The following CSMD1 variants were observed in gnomAD, a reference collection of about 807,000 sequenced individuals.
The protein encoded by CSMD1 is CUB and sushi domain-containing protein 1.
In CSMD1, 213 loss-of-function variants were observed where a neutral mutation model predicts 417.5. That is an observed-to-expected ratio of 0.51 (90% confidence interval 0.46 to 0.57). CSMD1 has a LOEUF of 0.57. CSMD1 is among the 20% of genes least tolerant of loss of function. The pLI, the probability that CSMD1 is intolerant of heterozygous loss-of-function variation, is 0.00. For synonymous variants in CSMD1, 2,862 were observed against 1,736.8 expected (o/e 1.65, Z -16.11); for missense variants, 6,923 against 4,529.7 (o/e 1.53, Z -15.17).
chr8:4,208,664 A>G (rs1800121545), intron 3 of CSMD1, among the ~76,000 whole-genome samples: 1 of 152,228 alleles, frequency 6.6e-6, no homozygotes, highest in South Asian at 2.1e-4. Flanking sequence ...CATAAAACCA[A>G]TTATGCAAAA....
At chr8:3,895,164 T>C (rs1213843295) in intron 5 of CSMD1, among the ~76,000 whole-genome samples, 2 of 152,208 alleles carry the variant, frequency 1.3e-5, no homozygotes, top group Admixed American at 1.3e-4. Flanking sequence ...AAATCACTAA[T>C]TCAGAGACAC....
At chr8:3,772,449 A>ATATATACATATATT (rs1489408204) in intron 5 of CSMD1, among the ~76,000 whole-genome samples, 1 of 86,728 alleles carries the variant, frequency 1.2e-5, no homozygotes, top group African/African-American at 5.0e-5. Context: ...TTATATATAC[A>ATATATACATATATT]CATATATATA....
At position 4,988,132 on chromosome 8, in the gene CSMD1, T is replaced by C. The variant is rs1202322603; in HGVS notation, c.85+6200A>G. Among the ~76,000 whole-genome samples the C allele has an allele frequency of 2.0e-5, 3 of 152,354 alleles. No individual in the cohort carries two copies. The East Asian group carries it at 5.8e-4, about 29-fold the overall frequency. ...AAAACTGGGAAGAGACACCAACAATTTGACTCCTTCATGTTTATGTTCTTG... is the reference window on the plus strand; with the variant it reads ...AAAACTGGGAAGAGACACCAACAATCTGACTCCTTCATGTTTATGTTCTTG... On this transcript the variant is annotated intron_variant, in intron 1 of 69. Transcript: ENST00000635120.
intron 1 of CSMD1, among the ~76,000 whole-genome samples, chr8:4,652,091 A>T (rs947518622): frequency 3.9e-5 from 6 of 152,260 alleles, no homozygotes; most frequent in Admixed American, 6.5e-5. Context: ...CTTTAACACA[A>T]TTTTTTTCCA....
chr8:3,724,722 C>T (rs1033398008), intron 6 of CSMD1, among the ~76,000 whole-genome samples: 6 of 152,096 alleles, frequency 3.9e-5, no homozygotes, highest in Admixed American at 2.0e-4. Flanking sequence ...ATTTACACTG[C>T]CTTCTAAGTG....
intron 10 of CSMD1, among the ~76,000 whole-genome samples, chr8:3,544,902 T>C (rs1033781041): frequency 2.6e-5 from 4 of 152,366 alleles, no homozygotes; most frequent in Non-Finnish European, 2.9e-5. Flanking sequence ...TATGAATTAA[T>C]ACCAACTTAA....
At chr8:3,385,358 C>A (rs569706823) in intron 18 of CSMD1, among the ~76,000 whole-genome samples, 1 of 148,826 alleles carries the variant, frequency 6.7e-6, no homozygotes, top group Admixed American at 6.8e-5. Flanking sequence ...TGTGTTTTAC[C>A]CTACATGTTT....
intron 11 of CSMD1, among the ~76,000 whole-genome samples, chr8:3,481,112 G>GCA (rs1817719039): frequency 7.9e-6 from 1 of 127,360 alleles, no homozygotes; most frequent in African/African-American, 3.0e-5. Context: ...GCCCAGATTA[G>GCA]CCACTGCACT....
chr8:4,049,110 C>T (rs1469644030), intron 3 of CSMD1, among the ~76,000 whole-genome samples: 1 of 152,136 alleles, frequency 6.6e-6, no homozygotes, highest in Non-Finnish European at 1.5e-5. Flanking sequence ...GCTCTCTCCA[C>T]ATTCTTTTAT....
At chr8:4,272,564 T>G (rs1279190418) in intron 3 of CSMD1, among the ~76,000 whole-genome samples, 7 of 152,236 alleles carry the variant, frequency 4.6e-5, no homozygotes, top group Non-Finnish European at 7.3e-5. Flanking sequence ...TAATACCAGT[T>G]ATTTACTTGC....
At chr8:3,687,525 CT>C (rs1800000529) in intron 7 of CSMD1, among the ~76,000 whole-genome samples, 2 of 152,214 alleles carry the variant, frequency 1.3e-5, no homozygotes, top group South Asian at 4.1e-4. Flanking sequence ...ATTTTCTCTA[CT>C]TTTCTTCCAG....
At chr8:4,854,563 G>A (rs1236230005) in intron 1 of CSMD1, among the ~76,000 whole-genome samples, 10 of 152,212 alleles carry the variant, frequency 6.6e-5, no homozygotes, top group Non-Finnish European at 1.5e-4. Context: ...CGCGCACCGT[G>A]CGTGAGCTGA....
At position 4,458,664 on chromosome 8, in the gene CSMD1, C is replaced by G. The variant is rs527985228; in HGVS notation, c.303-38599G>C. Reference sequence around the variant, plus strand: ...AATGTATTTTGTATTCTCAAAGGTCCTTGTCTGAAACTAACCAAAACTGCA... The same window carrying G: ...AATGTATTTTGTATTCTCAAAGGTCGTTGTCTGAAACTAACCAAAACTGCA... On this transcript the variant is annotated intron_variant, in intron 2 of 69. Coordinates refer to ENST00000635120, the MANE Select transcript of CSMD1 (RefSeq NM_033225.6). Among the ~76,000 whole-genome samples the G allele has an allele frequency of 1.5e-3, 223 of 152,294 alleles. 1 individual carries two copies. Among genetic ancestry groups the G allele is most frequent in the Non-Finnish European group, 2.3e-3 (158 of 68,022 alleles).
chr8:3,638,577 G>A (rs1349377701), intron 7 of CSMD1, among the ~76,000 whole-genome samples: 1 of 152,170 alleles, frequency 6.6e-6, no homozygotes, highest in African/African-American at 2.4e-5. Flanking sequence ...CCTGCAAAGT[G>A]CAATCTGGAA....
intron 36 of CSMD1, among the ~76,000 whole-genome samples, chr8:3,186,536 G>A (rs1205905116): frequency 6.6e-6 from 1 of 152,144 alleles, no homozygotes; most frequent in Non-Finnish European, 1.5e-5. Context: ...CCAGAGATAA[G>A]ATCTTTGAAC....
At chr8:4,815,612 C>A (rs1404625228) in intron 1 of CSMD1, among the ~76,000 whole-genome samples, 3 of 147,184 alleles carry the variant, frequency 2.0e-5, no homozygotes, top group Non-Finnish European at 3.0e-5. Context: ...AGGAGAAGCG[C>A]TTGAACCCAG....
At chr8:3,475,950 C>T (rs7464308) in intron 11 of CSMD1, among the ~76,000 whole-genome samples, 1 of 152,136 alleles carries the variant, frequency 6.6e-6, no homozygotes, top group Non-Finnish European at 1.5e-5. Context: ...GGTTACTTGT[C>T]ATTTTACTGT....
chr8:4,812,924 C>T (rs1267068982), intron 1 of CSMD1, among the ~76,000 whole-genome samples: 2 of 152,142 alleles, frequency 1.3e-5, no homozygotes, highest in African/African-American at 2.4e-5. Context: ...TATAGCAACA[C>T]TAAATCATGC....
chr8:4,288,323 G>T lies in CSMD1; in HGVS notation c.415+131630C>A, dbSNP rs568337501. On this transcript the variant is annotated intron_variant, in intron 3 of 69. Transcript: ENST00000635120. Reference sequence around the variant, plus strand: ...ACTATTTTTGGGGCCACCCTGAAGGGCTCCCTTCACCCTTCAATTTTCTTA... The same window carrying T: ...ACTATTTTTGGGGCCACCCTGAAGGTCTCCCTTCACCCTTCAATTTTCTTA... 1.1e-4 allele frequency among the ~76,000 whole-genome samples: 16 copies of T among 152,182 alleles called. No homozygotes were observed. The South Asian group carries it at 3.1e-3, about 30-fold the overall frequency.
Sources: allele counts gnomAD v4.1 joint callset (sites outside exome capture counted in the v4.1 genomes callset), GRCh38; gene constraint gnomAD v4.1.1; transcripts MANE v1.5; gene names NCBI Gene and HGNC (gene_info 2026-07-23, HGNC 2026-07-21).